EFCAB13: variants seen among roughly 807,000 people sequenced by gnomAD.
EFCAB13 encodes EF-hand calcium binding domain 13.
In EFCAB13, 91 loss-of-function variants were observed where a neutral mutation model predicts 110.2. That is an observed-to-expected ratio of 0.83 (90% confidence interval 0.70 to 0.98). The LOEUF (loss-of-function observed/expected upper bound fraction) is 0.98. Among genes scored for constraint, EFCAB13 ranks in the 50% least tolerant of loss-of-function variants. The probability of loss-of-function intolerance (pLI) is 0.00; values close to 1 mark genes in which losing one functional copy is unlikely to be tolerated. For missense variants in EFCAB13, 968 were observed against 1,119.4 expected, an observed-to-expected ratio of 0.86 and a Z score of 1.93; for synonymous variants, 323 against 369.9, an observed-to-expected ratio of 0.87 and a Z score of 1.45.
intron 10 of EFCAB13, among the ~76,000 whole-genome samples, chr17:47,363,127 G>A (rs1012853642): frequency 5.3e-5 from 8 of 152,166 alleles, no homozygotes; most frequent in Admixed American, 1.3e-4. Flanking sequence ...GCTGTAGTGC[G>A]GTGTTGTGAT....
At chr17:47,412,616 G>A (rs2065841866) in intron 21 of EFCAB13, among the ~76,000 whole-genome samples, 157 bp from the exon 22 acceptor site, 1 of 152,194 alleles carries the variant, frequency 6.6e-6, no homozygotes, top group South Asian at 2.1e-4. Context: ...CTTGAGGGAA[G>A]TGGGCCATCA....
intron 23 of EFCAB13, among the ~76,000 whole-genome samples, chr17:47,423,143 A>T (rs1904776863): frequency 6.6e-6 from 1 of 152,176 alleles, no homozygotes; most frequent in Non-Finnish European, 1.5e-5. Flanking sequence ...GCTAAAAATG[A>T]TATTACCAGG....
intron 22 of EFCAB13, 137 bp downstream of exon 22, chr17:47,413,053 C>A (rs1389563509): frequency 1.4e-6 from 1 of 715,856 alleles, no homozygotes; most frequent in Non-Finnish European, 2.2e-6. Flanking sequence ...CAAATTAGAG[C>A]CAAACCACTC....
intron 9 of EFCAB13, among the ~76,000 whole-genome samples, chr17:47,359,872 G>C (rs899850616): frequency 1.5e-4 from 21 of 143,910 alleles, no homozygotes; most frequent in Admixed American, 4.3e-4. Context: ...GAGAACATGC[G>C]GTGTTTGGTT....
At chr17:47,336,272 G>A (rs1293566342) in intron 5 of EFCAB13, among the ~76,000 whole-genome samples, 1 of 150,788 alleles carries the variant, frequency 6.6e-6, no homozygotes, top group Non-Finnish European at 1.5e-5. Context: ...GACTACAGGC[G>A]TGCGCCGTCA....
chr17:47,360,542 A>G (rs2143315467), intron 9 of EFCAB13, among the ~76,000 whole-genome samples: 1 of 152,212 alleles, frequency 6.6e-6, no homozygotes, highest in East Asian at 1.9e-4. Flanking sequence ...TGTCAGATGA[A>G]TAGGTTGCGA....
intron 19 of EFCAB13, 32 bp downstream of exon 19, chr17:47,404,053 T>C: frequency 6.5e-7 from 1 of 1,543,968 alleles, no homozygotes; most frequent in Non-Finnish European, 8.7e-7. Context: ...CTCAGGTTTT[T>C]TTTTTGTAGG....
In EFCAB13 at chr17:47,424,252, GC is replaced by G. The variant is rs1391642317; in HGVS notation, c.2495-5562del. ...GGGGACTCCCGAGCGGCTCGGAGTG[GC>G]CCCTTGGACGCCGGGGAAGAGGAGA... On this transcript the variant is annotated intron_variant, in intron 23 of 24. Transcript: ENST00000331493. 4.6e-5 allele frequency among the ~76,000 whole-genome samples: 7 copies of G among 152,344 alleles called. No homozygotes were observed. The East Asian group carries it at 1.4e-3, about 29-fold the overall frequency.
At chr17:47,351,964 C>T (rs1337345426) in intron 9 of EFCAB13, among the ~76,000 whole-genome samples, 15 of 144,416 alleles carry the variant, frequency 1.0e-4, no homozygotes, top group Admixed American at 7.9e-4. Context: ...TGCAGTGGTG[C>T]GATCTTGGCT....
At chr17:47,398,124 C>T (rs1156411570) in intron 17 of EFCAB13, among the ~76,000 whole-genome samples, 1 of 146,812 alleles carries the variant, frequency 6.8e-6, no homozygotes, top group Non-Finnish European at 1.5e-5. Context: ...GGGGGTCAGC[C>T]CCCCCCTGGC....
intron 7 of EFCAB13, 132 bp downstream of exon 7, chr17:47,344,424 GA>G: frequency 8.7e-7 from 1 of 1,143,348 alleles, no homozygotes; most frequent in Non-Finnish European, 1.2e-6. Context: ...GGATTGTGTA[GA>G]GATAAGAGCA....
At chr17:47,391,787 TA>T (rs11284513) in intron 15 of EFCAB13, among the ~76,000 whole-genome samples, 2,625 of 151,698 alleles carry the variant, frequency 0.017, 65 homozygotes, top group African/African-American at 0.057. Flanking sequence ...TCTTTTTAAT[TA>T]AAAAAAAATT....
intron 24 of EFCAB13, 74 bp downstream of exon 24, chr17:47,430,035 A>G: frequency 1.4e-6 from 2 of 1,456,966 alleles, no homozygotes; most frequent in South Asian, 3.1e-5. Flanking sequence ...TGGGTAGGAC[A>G]TGCAGGGATG....
chr17:47,339,191 C>T (rs1045580848), intron 5 of EFCAB13, among the ~76,000 whole-genome samples: 1 of 152,084 alleles, frequency 6.6e-6, no homozygotes, highest in Non-Finnish European at 1.5e-5. Flanking sequence ...CCCTAGATTA[C>T]TTGAAGCACT....
In EFCAB13 at chr17:47,440,702, C is replaced by T. The variant is rs1905304514; in HGVS notation, c.2910C>T (p.Asn970=). The T allele has an allele frequency of 6.4e-7, 1 of 1,561,992 alleles. No individual in the cohort carries two copies. Among genetic ancestry groups the T allele is most frequent in the African/African-American group, 1.4e-5 (1 of 72,920 alleles). The change falls in exon 25 of 25, where the codon AAC becomes AAT. Residue 970 remains asparagine (N), a synonymous_variant. Coordinates refer to ENST00000331493, the MANE Select transcript of EFCAB13 (RefSeq NM_152347.5). ...CAAATATTGCTAAGCTTAACCCAAA[C>T]TCAAAATTTTAGGTAGTCTTACTTG... ...SKANIAKLNP[N]SKF
intron 5 of EFCAB13, among the ~76,000 whole-genome samples, 198 bp downstream of exon 5, chr17:47,335,554 A>C (rs1196249202): frequency 2.0e-5 from 3 of 152,186 alleles, no homozygotes; most frequent in Non-Finnish European, 4.4e-5. Flanking sequence ...TCTCACAGCC[A>C]TCTATAGGCT....
intron 14 of EFCAB13, among the ~76,000 whole-genome samples, chr17:47,390,607 A>T (rs1179074010): frequency 6.6e-6 from 1 of 152,210 alleles, no homozygotes; most frequent in Non-Finnish European, 1.5e-5. Context: ...TAGAATAGTT[A>T]TTCCTAAGTA....
intron 24 of EFCAB13, among the ~76,000 whole-genome samples, chr17:47,434,657 T>C (rs759195031): frequency 2.6e-5 from 4 of 152,132 alleles, no homozygotes; most frequent in Non-Finnish European, 5.9e-5. Context: ...TGCAAGGCAG[T>C]AGTTATCAAA....
chr17:47,349,697 C>A (rs1009697408), intron 9 of EFCAB13, among the ~76,000 whole-genome samples: 2 of 150,124 alleles, frequency 1.3e-5, no homozygotes, highest in South Asian at 2.1e-4. Context: ...GTTTTGGAAC[C>A]ATTTTTATAG....
Sources: allele counts gnomAD v4.1 joint callset (sites outside exome capture counted in the v4.1 genomes callset), GRCh38; gene constraint gnomAD v4.1.1; transcripts MANE v1.5; gene names NCBI Gene and HGNC (gene_info 2026-07-23, HGNC 2026-07-21).